DYSF: variants seen among roughly 807,000 people sequenced by gnomAD.
DYSF encodes dysferlin, also known as dystrophy-associated fer-1-like 1.
In DYSF, 212 loss-of-function variants were observed where a neutral mutation model predicts 274.9. That is an observed-to-expected ratio of 0.77 (90% confidence interval 0.69 to 0.86). DYSF has a LOEUF of 0.86. Ranked by LOEUF, DYSF falls within the 40% of genes least tolerant of loss-of-function variation. The pLI is 0.00. For synonymous variants in DYSF, 1,091 were observed against 1,078.7 expected (o/e 1.01, Z -0.22); for missense variants, 2,666 against 2,783.2 (o/e 0.96, Z 0.95).
chr2:71,502,079 CTGTGTGTGTGTGTG>C (rs71402986), intron 3 of DYSF, among the ~76,000 whole-genome samples: 28 of 143,914 alleles, frequency 1.9e-4, no homozygotes, highest in South Asian at 9.2e-4. Context: ...CTCCATGACT[CTGTGTGTGTGTGTG>C]TGTGTGTGTG....
intron 4 of DYSF, among the ~76,000 whole-genome samples, chr2:71,508,761 C>T (rs2085765565): frequency 6.6e-6 from 1 of 152,332 alleles, no homozygotes; most frequent in African/African-American, 2.4e-5. Flanking sequence ...TTCATCTACT[C>T]CCCTTTCTCA....
intron 3 of DYSF, among the ~76,000 whole-genome samples, chr2:71,496,036 A>G (rs956557150): frequency 7.6e-5 from 11 of 144,112 alleles, no homozygotes; most frequent in African/African-American, 2.9e-4. Flanking sequence ...CTTCTCTTCC[A>G]CCTCCCCTCC....
At position 71,612,791 on chromosome 2, in the gene DYSF, C is replaced by T. The variant is rs151109021; in HGVS notation, c.4372C>T (p.Pro1458Ser). 3.1e-6 allele frequency: 5 copies of T among 1,612,756 alleles called. No individual in the cohort carries two copies. The highest frequency in any genetic ancestry group is 3.4e-6 in the Non-Finnish European group (4 of 1,179,054). Residue 1458 changes from proline to serine, a missense_variant, in exon 39 of 56, where the codon CCA becomes TCA. Physicochemically the swap from Pro to Ser is moderately conservative, Grantham distance 74. Around this residue, in one of 3 missense-constraint regions of DYSF, gnomAD observed 1,460 missense variants for 1,502.1 expected, o/e 0.97. Transcript: ENST00000410020. ...CDPYSAESPS[P>S]QGGPDDVSLL... Reference sequence around the variant, plus strand: ...CCCCTACTCGGCGGAGAGTCCATCCCCACAGGGTGGCCCAGGTAGGGGAAG... The same window carrying T: ...CCCCTACTCGGCGGAGAGTCCATCCTCACAGGGTGGCCCAGGTAGGGGAAG...
Position 71,511,765 on chromosome 2 carries a change from G to GGGCAGTGGTCCGAT in DYSF, c.346-41_346-40insGCAGTGGTCCGATG, listed in dbSNP as rs199942377. On this transcript the variant is annotated intron_variant, in intron 4 of 55. Transcript: ENST00000410020. ...AAGATACTGGAGGGCAGTGGTCCGA[G>GGGCAGTGGTCCGAT]GCCAGCGCACCAACCTGTCCCCCAC... 5,385 of 1,230,880 alleles carry GGGCAGTGGTCCGAT rather than the reference G, an allele frequency of 4.4e-3. 195 individuals are homozygous for GGGCAGTGGTCCGAT. The African/African-American group carries it at 0.073, about 17-fold the overall frequency. 76.2% of individuals were successfully genotyped at this position (1,230,880 alleles called of 1,614,324 possible).
intron 8 of DYSF, 35 bp downstream of exon 8, chr2:71,515,786 G>T (rs532952534): frequency 6.2e-7 from 1 of 1,613,326 alleles, no homozygotes; most frequent in East Asian, 2.2e-5. Context: ...CAGAACCTTG[G>T]TGGGCCTTCC....
In DYSF at chr2:71,539,308, C is replaced by T. The variant is rs530260824; in HGVS notation, c.1576+69C>T. ...CCCCGTACCCCCTCTATCCAGCTTA[C>T]ACTTCTAGTTTTGAGAGTTTGCAGA... On this transcript the variant is annotated intron_variant, in intron 17 of 55. Coordinates refer to ENST00000410020, the MANE Select transcript of DYSF (RefSeq NM_001130987.2). 6 of 1,383,486 alleles carry T rather than the reference C, an allele frequency of 4.3e-6. No homozygotes were observed. In the East Asian group the frequency reaches 9.2e-5, roughly 21 times the overall value. 85.7% of individuals were successfully genotyped at this position (1,383,486 alleles called of 1,614,324 possible).
At chr2:71,613,437 C>A in intron 40 of DYSF, 27 bp downstream of exon 40, 1 of 1,590,352 alleles carries the variant, frequency 6.3e-7, no homozygotes, top group Non-Finnish European at 8.6e-7. Flanking sequence ...CCAGGGAGGC[C>A]TGGGTCACCT....
chr2:71,601,451 G>T (rs1246286311), intron 34 of DYSF, 48 bp from the exon 35 acceptor site: 2 of 1,612,668 alleles, frequency 1.2e-6, no homozygotes, highest in Admixed American at 3.3e-5. Context: ...GGTGATGGGG[G>T]CCTTAGGTGA....
At position 71,571,084 on chromosome 2, in the gene DYSF, C is replaced by G. The variant is rs540176899; in HGVS notation, c.3228+343C>G. Among the ~76,000 whole-genome samples the G allele has an allele frequency of 4.9e-5, 7 of 142,986 alleles. No individual in the cohort carries two copies. The South Asian group carries it at 1.5e-3, about 30-fold the overall frequency. 93.8% of individuals were successfully genotyped at this position (142,986 alleles called of 152,430 possible). The stretch of plus-strand genomic sequence containing the variant: ...TCACACCCAGCACACAGATTACACC[C>G]AGCACACACACAGATCACACCCAGC... On this transcript the variant is annotated intron_variant, in intron 29 of 55. Transcript: ENST00000410020.
intron 17 of DYSF, chr2:71,549,325 C>G: frequency 6.2e-7 from 1 of 1,610,910 alleles, no homozygotes; most frequent in Non-Finnish European, 8.5e-7. Context: ...CACCCTAACC[C>G]CTTTTCCATT....
intron 7 of DYSF, among the ~76,000 whole-genome samples, chr2:71,514,198 A>C (rs1258282565): frequency 6.7e-6 from 1 of 150,108 alleles, no homozygotes; most frequent in South Asian, 2.1e-4. Flanking sequence ...ATGTCTTTGC[A>C]TCTCTGATCA....
At chr2:71,470,689 A>AAG (rs2081950912) in intron 1 of DYSF, among the ~76,000 whole-genome samples, 2 of 148,598 alleles carry the variant, frequency 1.3e-5, no homozygotes, top group African/African-American at 5.0e-5. Context: ...AAAAAAAAAA[A>AAG]AAAAGAAAAG....
chr2:71,553,747 A>AGCCCCAAAAAC, intron 20 of DYSF, 60 bp from the exon 21 acceptor site: 1 of 872,684 alleles, frequency 1.1e-6, no homozygotes, highest in Non-Finnish European at 1.8e-6. Context: ...CACTCTTAGC[A>AGCCCCAAAAAC]CCCCATCCCA....
At position 71,681,027 on chromosome 2, in the gene DYSF, T is replaced by G. The variant is rs1038963029; in HGVS notation, c.6090T>G (p.Ile2030Met). ...GCAAGCTGGAAATGACCTTGGAGAT[T>G]GTAGCAGAGAGTGAGCATGAGGAGC... The part of the protein sequence containing the change: ...LAGKLEMTLE[I>M]VAESEHEERP... Residue 2030 changes from isoleucine (I) to methionine (M), a missense_variant, in exon 54 of 56, where the codon ATT becomes ATG. Coordinates refer to ENST00000410020, the MANE Select transcript of DYSF (RefSeq NM_001130987.2). The G allele has an allele frequency of 6.2e-7, 1 of 1,614,168 alleles. No individual in the cohort carries two copies. The highest frequency in any genetic ancestry group is 1.7e-5 in the Admixed American group (1 of 60,034).
chr2:71,553,885 A>T lies in DYSF; in HGVS notation c.2063A>T (p.His688Leu), dbSNP rs2152792587. 6.2e-7 allele frequency: 1 copy of T among 1,614,180 alleles called. No homozygotes were observed. Among genetic ancestry groups the T allele is most frequent in the Admixed American group, 1.7e-5 (1 of 60,020 alleles). Residue 688 changes from histidine (H) to leucine (L), a missense_variant, in exon 21 of 56, where the codon CAT becomes CTT. By Grantham distance (99) the His-to-Leu change is moderately conservative. Transcript: ENST00000410020. ...VLSSYWEDIS[H>L]RIETQNQLLG... ...TCATCCTACTGGGAGGACATCAGCC[A>T]TAGAATCGAGACTCAGAACCAGCTG... is the stretch of plus-strand genomic sequence containing the variant.
At chr2:71,679,807 GA>G in intron 53 of DYSF, among the ~76,000 whole-genome samples, 2 of 152,128 alleles carry the variant, frequency 1.3e-5, no homozygotes, top group Non-Finnish European at 2.9e-5. Flanking sequence ...GTAACAATAA[GA>G]AATACTAGTA....
chr2:71,561,904 C>T lies in DYSF; in HGVS notation c.2369C>T (p.Ala790Val), dbSNP rs748106173. Residue 790 changes from alanine to valine, a missense_variant, in exon 23 of 56, where the codon GCG (alanine) becomes GTG (valine). This residue lies in a region of DYSF where 412 missense variants were observed against 504.0 expected (regional missense o/e 0.82). Coordinates refer to ENST00000410020, the MANE Select transcript of DYSF (RefSeq NM_001130987.2). ...GAGCTCCCTGCAGCTCTGGAGCAGG[C>T]GGAGGACTGGCTCCTGCGTCTGCGT... ...HSELPAALEQ[A>V]EDWLLRLRAL... The T allele has an allele frequency of 1.9e-6, 3 of 1,614,134 alleles. No homozygotes were observed. Among genetic ancestry groups the T allele is most frequent in the Admixed American group, 1.7e-5 (1 of 60,026 alleles).
At chr2:71,515,783 T>A (rs762478554) in intron 8 of DYSF, 32 bp downstream of exon 8, 1 of 1,613,334 alleles carries the variant, frequency 6.2e-7, no homozygotes, top group South Asian at 1.1e-5. Flanking sequence ...GGCCAGAACC[T>A]TGGTGGGCCT....
At chr2:71,659,244 G>A (rs1175617747) in intron 44 of DYSF, among the ~76,000 whole-genome samples, 1 of 152,198 alleles carries the variant, frequency 6.6e-6, no homozygotes, top group Admixed American at 6.5e-5. Flanking sequence ...AGGACTTTGG[G>A]AAAATGGGGA....
Sources: gnomAD v4.1 joint callset for allele counts (sites outside exome capture counted in the v4.1 genomes callset) on GRCh38, gnomAD v4.1.1 for gene constraint, gnomAD v4.1.1 regional missense constraint, MANE v1.5 for transcripts, NCBI Gene and HGNC (gene_info 2026-07-23, HGNC 2026-07-21) for gene names.